ARHGAP6: variants seen among roughly 807,000 people sequenced by gnomAD.
ARHGAP6 encodes the protein Rho GTPase activating protein 6, also known as rho GTPase-activating protein 6.
ARHGAP6 carries 16 observed loss-of-function variants against 55.7 expected under a neutral mutation model. The observed-to-expected ratio is 0.29, with a 90% confidence interval of 0.19 to 0.44. The LOEUF is 0.44. Among genes scored for constraint, ARHGAP6 ranks in the 20% least tolerant of loss-of-function variants. The pLI, the probability that ARHGAP6 is intolerant of heterozygous loss-of-function variation, is 1.00. For synonymous variants in ARHGAP6, 382 were observed against 360.9 expected (o/e 1.06, Z -0.66); for missense variants, 698 against 808.9 (o/e 0.86, Z 1.66).
At chrX:11,423,578 CA>C (rs772869372) in intron 1 of ARHGAP6, among the ~76,000 whole-genome samples, 2 of 112,140 alleles carry the variant, frequency 1.8e-5, no homozygotes, top group African/African-American at 6.5e-5. Flanking sequence ...TAGACCAGTA[CA>C]AGGAAGGAGA....
Position 11,300,626 on chromosome X carries a change from G to T in ARHGAP6, c.589-45919C>A, listed in dbSNP as rs372488657. On this transcript the variant is annotated intron_variant, in intron 1 of 12. Transcript: ENST00000337414. The stretch of plus-strand genomic sequence containing the variant: ...TTTCAGGATTAAAAGATCAGAAGAT[G>T]AGAGGGGAATGAATACTTCAGATGC... The T allele has an allele frequency of 2.5e-6, 3 of 1,193,990 alleles. No homozygotes were observed. In the South Asian group the frequency reaches 5.4e-5, roughly 21 times the overall value.
chrX:11,166,068 C>A (rs1003608138), intron 9 of ARHGAP6, among the ~76,000 whole-genome samples: 1 of 112,150 alleles, frequency 8.9e-6, no homozygotes, highest in Non-Finnish European at 1.9e-5. Context: ...CCTAGCCAGA[C>A]TCTTAAATTG....
intron 9 of ARHGAP6, among the ~76,000 whole-genome samples, chrX:11,164,761 T>C (rs1408715593): frequency 8.9e-6 from 1 of 112,097 alleles, no homozygotes; most frequent in Non-Finnish European, 1.9e-5. Context: ...CTTGCCCCTC[T>C]CCTAAGAAGA....
intron 2 of ARHGAP6, among the ~76,000 whole-genome samples, chrX:11,243,222 A>G (rs1001725376): frequency 4.5e-5 from 5 of 111,505 alleles, no homozygotes; most frequent in African/African-American, 1.6e-4. Context: ...ATCCATCTCT[A>G]TCCTGCTCCC....
chrX:11,227,280 C>T (rs2047062911), intron 2 of ARHGAP6, among the ~76,000 whole-genome samples: 1 of 111,936 alleles, frequency 8.9e-6, no homozygotes, highest in African/African-American at 3.2e-5. Flanking sequence ...GAAAAGTTAT[C>T]CTGTCAATGT....
intron 1 of ARHGAP6, among the ~76,000 whole-genome samples, chrX:11,526,458 C>A (rs995776679): frequency 5.5e-5 from 6 of 108,887 alleles, no homozygotes; most frequent in African/African-American, 2.2e-4. Context: ...CCAGAAGCAC[C>A]TGCTGTGGCT....
intron 2 of ARHGAP6, among the ~76,000 whole-genome samples, chrX:11,250,343 T>C (rs1210476605): frequency 8.9e-6 from 1 of 112,403 alleles, no homozygotes; most frequent in Admixed American, 9.4e-5. Flanking sequence ...TCCTTTCTTA[T>C]CCAGTTGAGA....
chrX:11,266,859 C>T (rs1206843874), intron 1 of ARHGAP6, among the ~76,000 whole-genome samples: 1 of 111,792 alleles, frequency 8.9e-6, no homozygotes, highest in Non-Finnish European at 1.9e-5. Flanking sequence ...ATTAAGGACT[C>T]GGTATGCTTT....
chrX:11,241,249 G>A (rs1330339642), intron 2 of ARHGAP6, among the ~76,000 whole-genome samples: 3 of 109,716 alleles, frequency 2.7e-5, no homozygotes, highest in African/African-American at 1.0e-4. Flanking sequence ...GAATTTTGGT[G>A]GGGGTTTCCA....
intron 1 of ARHGAP6, among the ~76,000 whole-genome samples, chrX:11,458,230 G>A (rs2050211288): frequency 8.9e-6 from 1 of 112,423 alleles, no homozygotes; most frequent in African/African-American, 3.2e-5. Context: ...TGAACCTCCT[G>A]CCATAGATTC....
intron 1 of ARHGAP6, among the ~76,000 whole-genome samples, chrX:11,556,434 G>A (rs1037434938): frequency 2.6e-4 from 29 of 112,154 alleles, no homozygotes; most frequent in African/African-American, 8.8e-4. Context: ...GTGCCAGTGC[G>A]AATTGGCCAA....
At position 11,395,414 on chromosome X, in the gene ARHGAP6, T is replaced by C. The variant is rs143634015; in HGVS notation, c.589-140707A>G. On this transcript the variant is annotated intron_variant, in intron 1 of 12. Coordinates refer to ENST00000337414, the MANE Select transcript of ARHGAP6 (RefSeq NM_013427.3). ...AAGGAAGGACTCAATGGGGCAGCAG[T>C]GTGCTGATAAAACATTTAACAACTG... Among the ~76,000 whole-genome samples the C allele has an allele frequency of 5.8e-3, 651 of 112,538 alleles. 3 individuals are homozygous for C. Among genetic ancestry groups the C allele is most frequent in the African/African-American group, 0.02 (622 of 31,024 alleles).
At chrX:11,517,917 T>C (rs1350849144) in intron 1 of ARHGAP6, among the ~76,000 whole-genome samples, 2 of 110,576 alleles carry the variant, frequency 1.8e-5, no homozygotes, top group Non-Finnish European at 3.8e-5. Flanking sequence ...CAAACCACCA[T>C]GGCACACGTT....
chrX:11,400,655 C>T (rs776152637), intron 1 of ARHGAP6, among the ~76,000 whole-genome samples: 2 of 111,057 alleles, frequency 1.8e-5, no homozygotes, highest in South Asian at 7.8e-4. Flanking sequence ...TTTTAGATTT[C>T]TGTCCCACTC....
At chrX:11,301,547 T>C (rs1310561397) in intron 1 of ARHGAP6, among the ~76,000 whole-genome samples, 1 of 112,191 alleles carries the variant, frequency 8.9e-6, no homozygotes, top group African/African-American at 3.2e-5. Context: ...TTAAGGCCCC[T>C]TAATCATTTT....
chrX:11,417,385 G>A (rs1057242538), intron 1 of ARHGAP6, among the ~76,000 whole-genome samples: 2 of 108,498 alleles, frequency 1.8e-5, no homozygotes, highest in Admixed American at 1.0e-4. Flanking sequence ...GTGCTTTTGC[G>A]GTGATGGACC....
chrX:11,207,731 G>T (rs1186114222), intron 2 of ARHGAP6, among the ~76,000 whole-genome samples: 1 of 112,239 alleles, frequency 8.9e-6, no homozygotes, highest in Admixed American at 9.5e-5. Flanking sequence ...TGAAGCTTGG[G>T]TAATATACAA....
chrX:11,523,945 G>T (rs754729504), intron 1 of ARHGAP6, among the ~76,000 whole-genome samples: 2 of 111,784 alleles, frequency 1.8e-5, no homozygotes, highest in Non-Finnish European at 3.8e-5. Flanking sequence ...GTATTTTAGA[G>T]AAATTATTTA....
intron 1 of ARHGAP6, among the ~76,000 whole-genome samples, chrX:11,527,952 C>G (rs939216255): frequency 2.7e-5 from 3 of 112,363 alleles, no homozygotes; most frequent in Non-Finnish European, 5.6e-5. Context: ...TTCTGAAATT[C>G]AAATGTAACT....
Sources: gnomAD v4.1 joint callset for allele counts (sites outside exome capture counted in the v4.1 genomes callset) on GRCh38, gnomAD v4.1.1 for gene constraint, MANE v1.5 for transcripts, NCBI Gene and HGNC (gene_info 2026-07-23, HGNC 2026-07-21) for gene names.